The following TRAPPC6B variants were observed in gnomAD, a reference collection of about 807,000 sequenced individuals.
The protein encoded by TRAPPC6B is TRAPP complex subunit 6B.
In TRAPPC6B, 27 loss-of-function variants were observed where a neutral mutation model predicts 24.7. That is an observed-to-expected ratio of 1.09 (90% CI 0.81 to 1.51). The LOEUF is 1.51. Ranked by LOEUF, TRAPPC6B falls within the 40% of genes most tolerant of loss-of-function variation. The pLI, the probability that TRAPPC6B is intolerant of heterozygous loss-of-function variation, is 0.00. For missense variants in TRAPPC6B, 212 were observed against 190.8 expected, an observed-to-expected ratio of 1.11 and a Z score of -0.66; for synonymous variants, 80 against 66.6, an observed-to-expected ratio of 1.20 and a Z score of -0.98.
At chr14:39,153,030 C>T (rs548691898) in intron 4 of TRAPPC6B, among the ~76,000 whole-genome samples, 4 of 152,084 alleles carry the variant, frequency 2.6e-5, no homozygotes, top group African/African-American at 9.6e-5. Context: ...TTTGTAATCA[C>T]GTCTGTAATC....
intron 4 of TRAPPC6B, among the ~76,000 whole-genome samples, chr14:39,152,670 C>T (rs1036270416): frequency 1.4e-4 from 21 of 152,254 alleles, no homozygotes; most frequent in African/African-American, 4.8e-4. Flanking sequence ...CCCAAGAGTT[C>T]TTAATCGGGG....
At chr14:39,151,037 A>G (rs1273526084) in intron 5 of TRAPPC6B, among the ~76,000 whole-genome samples, 1 of 152,118 alleles carries the variant, frequency 6.6e-6, no homozygotes. Flanking sequence ...TTTAGTGATA[A>G]AAGAATATTT....
intron 1 of TRAPPC6B, among the ~76,000 whole-genome samples, chr14:39,169,627 G>A (rs2053143930): frequency 6.6e-6 from 1 of 152,140 alleles, no homozygotes; most frequent in Non-Finnish European, 1.5e-5. Context: ...GGAGGGACAG[G>A]CTTCTCAGGT....
rs148314467 is a variant in TRAPPC6B at position 39,159,221 on chromosome 14, G to T, written c.149+262C>A. 7.7e-4 allele frequency: 154 copies of T among 199,804 alleles called. 1 individual carries two copies. Among genetic ancestry groups the T allele is most frequent in the African/African-American group, 3.0e-3 (127 of 42,996 alleles). The allele number at this position is 199,804 out of a possible 1,614,324, so 12.4% of individuals were successfully genotyped here. ...AAGATTTTAGATAGTTGCTTCAATA[G>T]CTTCAGGAATAAAGTCTAAAATAGC... On this transcript the variant is annotated intron_variant, in intron 2 of 5. Transcript: ENST00000330149.
In TRAPPC6B at chr14:39,167,654, G is replaced by A. The variant is rs543754753; in HGVS notation, c.81+2361C>T. On this transcript the variant is annotated intron_variant, in intron 1 of 5. Coordinates refer to ENST00000330149, the MANE Select transcript of TRAPPC6B (RefSeq NM_001079537.2). The stretch of plus-strand genomic sequence containing the variant: ...TTTCAGTATGGGTTCTGATTATGAA[G>A]ACTACCACATAACTGTTATTTATAT... Among the ~76,000 whole-genome samples the A allele has an allele frequency of 1.2e-4, 18 of 152,196 alleles. No homozygotes were observed. The East Asian group carries it at 2.9e-3, about 24-fold the overall frequency.
At chr14:39,163,147 G>A (rs541767629) in intron 1 of TRAPPC6B, among the ~76,000 whole-genome samples, 3 of 150,440 alleles carry the variant, frequency 2.0e-5, no homozygotes, top group East Asian at 3.9e-4. Flanking sequence ...TGAGGTGGGC[G>A]GATCACGAAG....
chr14:39,157,288 C>T (rs1205981604), intron 3 of TRAPPC6B: 3 of 374,964 alleles, frequency 8.0e-6, no homozygotes, highest in African/African-American at 4.3e-5. Context: ...GCTGAAAGTG[C>T]CTCCTACAAT....
rs2052877236 is a variant in TRAPPC6B, at chr14:39,148,337, G to A, written c.*2013C>T. ...AGCCTAGATTCCATCAAATGATCAA[G>A]TAAGCCAATTACCATGATTGGCACA... On this transcript the variant is annotated 3_prime_UTR_variant, in exon 6 of 6. Coordinates refer to ENST00000330149, the MANE Select transcript of TRAPPC6B (RefSeq NM_001079537.2). 1 of 252,498 alleles carries A rather than the reference G, an allele frequency of 4.0e-6. No homozygotes were observed. Among genetic ancestry groups the A allele is most frequent in the African/African-American group, 2.2e-5 (1 of 45,556 alleles). 15.6% of individuals were successfully genotyped at this position (252,498 alleles called of 1,614,324 possible).
At chr14:39,165,168 C>G (rs1449788662) in intron 1 of TRAPPC6B, among the ~76,000 whole-genome samples, 2 of 151,952 alleles carry the variant, frequency 1.3e-5, no homozygotes, top group Non-Finnish European at 2.9e-5. Context: ...GCCTCAGCCT[C>G]CTGAGTAGCT....
Position 39,159,518 on chromosome 14 carries a change from GT to G in TRAPPC6B, c.113del (p.Asn38ThrfsTer10). On this transcript the variant is annotated frameshift_variant, in exon 2 of 6. Coordinates refer to ENST00000330149, the MANE Select transcript of TRAPPC6B (RefSeq NM_001079537.2). LOFTEE classifies it high-confidence loss of function. ...ATCCTTGTCCCACTCGAAACCCCAT[GT>G]TTTCCAGCTTAGTAATACATCGTCC... is the stretch of plus-strand genomic sequence containing the variant. ...ENGRCITKLE[N>X]MGFRVGQGLI... The G allele has an allele frequency of 1.2e-6, 2 of 1,604,984 alleles. No homozygotes were observed. Among genetic ancestry groups the G allele is most frequent in the Admixed American group, 1.7e-5 (1 of 58,928 alleles).
At chr14:39,155,327 C>T (rs898375295) in intron 3 of TRAPPC6B, among the ~76,000 whole-genome samples, 7 of 151,074 alleles carry the variant, frequency 4.6e-5, no homozygotes, top group African/African-American at 7.3e-5. Context: ...CCACAACCTC[C>T]GCCTCCTGGG....
chr14:39,151,649 T>C, intron 5 of TRAPPC6B, 97 bp downstream of exon 5: 1 of 859,842 alleles, frequency 1.2e-6, no homozygotes, highest in South Asian at 1.8e-5. Flanking sequence ...AAATGAAAGT[T>C]TCAGCATTTT....
intron 3 of TRAPPC6B, among the ~76,000 whole-genome samples, chr14:39,154,801 G>A (rs1056539287): frequency 6.6e-6 from 1 of 152,140 alleles, no homozygotes; most frequent in African/African-American, 2.4e-5. Context: ...CAACACTAAT[G>A]TATACCGAAC....
At chr14:39,159,599 T>C (rs2053031263) in intron 1 of TRAPPC6B, 49 bp from the exon 2 acceptor site, 1 of 1,364,536 alleles carries the variant, frequency 7.3e-7, no homozygotes, top group East Asian at 2.4e-5. Flanking sequence ...GCTAGGATGT[T>C]AGTATTCAGA....
intron 4 of TRAPPC6B, among the ~76,000 whole-genome samples, chr14:39,152,571 T>TATAATA (rs1041535306): frequency 2.0e-5 from 3 of 152,184 alleles, no homozygotes; most frequent in Non-Finnish European, 2.9e-5. Flanking sequence ...AATATTATCT[T>TATAATA]ATAAATAATA....
intron 3 of TRAPPC6B, chr14:39,157,583 A>T: frequency 2.6e-6 from 1 of 378,396 alleles, no homozygotes; most frequent in South Asian, 2.0e-5. Flanking sequence ...GCCTTGTGTC[A>T]TAAAATGGGG....
Position 39,153,853 on chromosome 14 carries a change from C to T in TRAPPC6B, c.351+358G>A, listed in dbSNP as rs187157509. Among the ~76,000 whole-genome samples, 16 of 152,024 alleles carry T rather than the reference C, an allele frequency of 1.1e-4. 1 individual carries two copies. The South Asian group carries it at 3.1e-3, about 30-fold the overall frequency. On this transcript the variant is annotated intron_variant, in intron 4 of 5. Coordinates refer to ENST00000330149, the MANE Select transcript of TRAPPC6B (RefSeq NM_001079537.2). ...CCGAATAGCTGGGATTGCAGGCGCT[C>T]GCCAGAACGTCCAGCTATTTTTCAT...
intron 3 of TRAPPC6B, chr14:39,157,404 G>A (rs1566547769): frequency 6.0e-6 from 2 of 332,678 alleles, no homozygotes; most frequent in African/African-American, 4.4e-5. Context: ...AGAGGCTATT[G>A]GCCCGGGCTG....
intron 1 of TRAPPC6B, among the ~76,000 whole-genome samples, chr14:39,167,707 T>C (rs1226577571): frequency 6.7e-6 from 1 of 150,110 alleles, no homozygotes; most frequent in African/African-American, 2.5e-5. Context: ...TACTTTCAAT[T>C]TTCCCCCCCA....
Sources: allele counts gnomAD v4.1 joint callset (sites outside exome capture counted in the v4.1 genomes callset), GRCh38; gene constraint gnomAD v4.1.1; transcripts MANE v1.5; gene names NCBI Gene and HGNC (gene_info 2026-07-23, HGNC 2026-07-21).